POU2F3: variants seen among roughly 807,000 people sequenced by gnomAD.
POU2F3 encodes the protein POU domain, class 2, transcription factor 3.
In POU2F3, 23 loss-of-function variants were observed where a neutral mutation model predicts 59.2. That is an observed-to-expected ratio of 0.39 (90% CI 0.28 to 0.55). The LOEUF is 0.55. Among genes scored for constraint, POU2F3 ranks in the 20% least tolerant of loss-of-function variants. The probability of loss-of-function intolerance (pLI) is 0.66; values close to 1 mark genes in which losing one functional copy is unlikely to be tolerated. For missense variants in POU2F3, 473 were observed against 544.5 expected, an observed-to-expected ratio of 0.87 and a Z score of 1.31; for synonymous variants, 190 against 214.6, an observed-to-expected ratio of 0.89 and a Z score of 1.00.
chr11:120,239,902 C>G (rs955208020), upstream of POU2F3, among the ~76,000 whole-genome samples: 17 of 152,238 alleles, frequency 1.1e-4, 1 homozygote, highest in Non-Finnish European at 4.4e-5. Context: ...AAAGGGCGAG[C>G]AGGACCAGGA....
intron 3 of POU2F3, among the ~76,000 whole-genome samples, chr11:120,277,706 C>T (rs754413803): frequency 7.9e-5 from 12 of 152,186 alleles, no homozygotes; most frequent in Admixed American, 6.5e-5. Flanking sequence ...CACTTGAATC[C>T]GGGAGGCGGA....
intron 8 of POU2F3, among the ~76,000 whole-genome samples, chr11:120,306,342 C>A (rs961469571): frequency 2.6e-5 from 4 of 152,138 alleles, no homozygotes; most frequent in African/African-American, 9.7e-5. Flanking sequence ...GGCCGGGAGG[C>A]AACCCAGGAG....
At chr11:120,246,749 C>T (rs1209424501) in intron 2 of POU2F3, among the ~76,000 whole-genome samples, 1 of 152,100 alleles carries the variant, frequency 6.6e-6, no homozygotes, top group Non-Finnish European at 1.5e-5. Context: ...TAGGAAGAGA[C>T]CAGATACTTA....
At chr11:120,312,066 G>A (rs985837674) in intron 10 of POU2F3, among the ~76,000 whole-genome samples, 9 of 152,214 alleles carry the variant, frequency 5.9e-5, no homozygotes, top group African/African-American at 1.7e-4. Context: ...AGCAAGAGTA[G>A]TGTACAAGGC....
In POU2F3 at chr11:120,267,054, A is replaced by T. The variant is rs543328338; in HGVS notation, c.98-2156A>T. On this transcript the variant is annotated intron_variant, in intron 2 of 12. Transcript: ENST00000543440. ...AGGGATTTTTTTTAAGAGAAAAGCA[A>T]TTTTACCTTCATCTACCCCTTTCAA... Among the ~76,000 whole-genome samples, 9 of 152,136 alleles carry T rather than the reference A, an allele frequency of 5.9e-5. No individual in the cohort carries two copies. In the South Asian group the frequency reaches 1.5e-3, roughly 25 times the overall value.
chr11:120,236,880 G>C (rs1203585462), upstream of POU2F3, among the ~76,000 whole-genome samples: 1 of 152,214 alleles, frequency 6.6e-6, no homozygotes, highest in Non-Finnish European at 1.5e-5. Flanking sequence ...GGGAGAAGCA[G>C]GGAAGAGTAG....
At chr11:120,249,675 T>C (rs1939019687) in intron 2 of POU2F3, 1 of 152,088 alleles carries the variant, frequency 6.6e-6, no homozygotes, top group South Asian at 2.1e-4. Flanking sequence ...GGCCACATCA[T>C]TGCCTCAATC....
At position 120,277,912 on chromosome 11, in the gene POU2F3, G is replaced by T. The variant is rs576760577; in HGVS notation, c.132+8668G>T. On this transcript the variant is annotated intron_variant, in intron 3 of 12. Coordinates refer to ENST00000543440, the MANE Select transcript of POU2F3 (RefSeq NM_014352.4). Reference sequence around the variant, plus strand: ...ATCCTTAGACATATTCCCCTAAAAGGTTTAATGAGACAGTAGGTCCCTCAT... The same window carrying T: ...ATCCTTAGACATATTCCCCTAAAAGTTTTAATGAGACAGTAGGTCCCTCAT... Among the ~76,000 whole-genome samples the T allele has an allele frequency of 2.0e-5, 3 of 152,262 alleles. No individual in the cohort carries two copies. In the South Asian group the frequency reaches 6.2e-4, roughly 32 times the overall value.
intron 3 of POU2F3, among the ~76,000 whole-genome samples, chr11:120,276,437 C>T (rs184565317): frequency 3.3e-5 from 5 of 152,118 alleles, no homozygotes; most frequent in East Asian, 3.9e-4. Flanking sequence ...AGGGAGGCTC[C>T]GAGACCTCTT....
At chr11:120,286,755 A>G (rs535476281) in intron 3 of POU2F3, among the ~76,000 whole-genome samples, 1 of 152,158 alleles carries the variant, frequency 6.6e-6, no homozygotes, top group South Asian at 2.1e-4. Context: ...TTCTAAGTAA[A>G]GGATTTTTAT....
In POU2F3 at chr11:120,299,550, C is replaced by T. The variant is rs142518390; in HGVS notation, c.259-74C>T. 1.3e-3 allele frequency: 1,820 copies of T among 1,371,916 alleles called. 21 individuals carry two copies. In the African/African-American group the frequency reaches 0.022, roughly 17 times the overall value. The allele number at this position is 1,371,916 out of a possible 1,614,324, so 85.0% of individuals were successfully genotyped here. A position where few individuals can be genotyped will look rare whatever the true frequency, so the allele number is the denominator to read the frequency against. On this transcript the variant is annotated intron_variant, in intron 4 of 12. Coordinates refer to ENST00000543440, the MANE Select transcript of POU2F3 (RefSeq NM_014352.4). ...TGAGTCTGGAGACCCCTGGGACGGA[C>T]GAGTGGCAGGCAGATGGGGCTGATG...
intron 2 of POU2F3, among the ~76,000 whole-genome samples, chr11:120,268,888 G>A (rs894085987): frequency 2.0e-5 from 3 of 152,072 alleles, no homozygotes; most frequent in Non-Finnish European, 2.9e-5. Flanking sequence ...GGGGAAGCCC[G>A]GGCATAGAAG....
At chr11:120,246,895 A>T (rs1273665654) in intron 2 of POU2F3, among the ~76,000 whole-genome samples, 1 of 152,214 alleles carries the variant, frequency 6.6e-6, no homozygotes, top group Non-Finnish European at 1.5e-5. Flanking sequence ...TACTCAAGGC[A>T]CTAACCAAAG....
rs185381650 is a variant in POU2F3 at position 120,274,167 on chromosome 11, A to C, written c.132+4923A>C. The stretch of plus-strand genomic sequence containing the variant: ...AGGAAGGAAGGAAGGAAATGCACAC[A>C]AACATAGAGCCTGGCTGCCTGGCTG... On this transcript the variant is annotated intron_variant, in intron 3 of 12. Coordinates refer to ENST00000543440, the MANE Select transcript of POU2F3 (RefSeq NM_014352.4). Among the ~76,000 whole-genome samples, 771 of 141,258 alleles carry C rather than the reference A, an allele frequency of 5.5e-3. 3 individuals carry two copies. The highest frequency in any genetic ancestry group is 0.019 in the African/African-American group (740 of 39,524). 92.7% of individuals were successfully genotyped at this position (141,258 alleles called of 152,430 possible). A position where few individuals can be genotyped will look rare whatever the true frequency, so the allele number is the denominator to read the frequency against.
At chr11:120,298,473 T>A in intron 4 of POU2F3, 83 bp downstream of exon 4, 1 of 1,564,206 alleles carries the variant, frequency 6.4e-7, no homozygotes, top group Non-Finnish European at 8.7e-7. Context: ...TTGGTACTCG[T>A]CTAAAGAACC....
chr11:120,315,914 C>A lies in POU2F3; in HGVS notation c.1135+487C>A, dbSNP rs186729782. Among the ~76,000 whole-genome samples the A allele has an allele frequency of 5.9e-3, 885 of 149,746 alleles. 14 individuals are homozygous for A. Among genetic ancestry groups the A allele is most frequent in the African/African-American group, 0.021 (837 of 40,668 alleles). Reference sequence around the variant, plus strand: ...TGAGACAGAGTTTCACCCTTGTTGCCCAGGCTGCAGTGCAATGGCACGATC... The same window carrying A: ...TGAGACAGAGTTTCACCCTTGTTGCACAGGCTGCAGTGCAATGGCACGATC... On this transcript the variant is annotated intron_variant, in intron 11 of 12. Coordinates refer to ENST00000543440, the MANE Select transcript of POU2F3 (RefSeq NM_014352.4).
At chr11:120,278,651 C>T (rs1358431171) in intron 3 of POU2F3, among the ~76,000 whole-genome samples, 1 of 152,162 alleles carries the variant, frequency 6.6e-6, no homozygotes, top group African/African-American at 2.4e-5. Context: ...AGCGCCACCC[C>T]CACAGGGAAT....
rs1246747016 is a variant in POU2F3, at chr11:120,319,743, C to T, written c.*1351C>T. ...ACAGGTGTGAGCCACCGCGCCTGGCCTGGGCTGGGAATCTTTGTTGACTTC... is the reference window on the plus strand; with the variant it reads ...ACAGGTGTGAGCCACCGCGCCTGGCTTGGGCTGGGAATCTTTGTTGACTTC... On this transcript the variant is annotated 3_prime_UTR_variant, in exon 13 of 13. Coordinates refer to ENST00000543440, the MANE Select transcript of POU2F3 (RefSeq NM_014352.4). The T allele has an allele frequency of 6.6e-6, 1 of 152,336 alleles. No individual in the cohort carries two copies. Among genetic ancestry groups the T allele is most frequent in the Non-Finnish European group, 1.5e-5 (1 of 68,054 alleles). 9.4% of individuals were successfully genotyped at this position (152,336 alleles called of 1,614,324 possible).
intron 1 of POU2F3, 141 bp downstream of exon 1, chr11:120,240,512 G>A (rs1487479985): frequency 1.7e-6 from 2 of 1,163,832 alleles, no homozygotes; most frequent in Admixed American, 4.2e-5. Context: ...GGTTGTCCTG[G>A]GGTGGGTGCC....
Sources: allele counts gnomAD v4.1 joint callset (sites outside exome capture counted in the v4.1 genomes callset), GRCh38; gene constraint gnomAD v4.1.1; transcripts MANE v1.5; gene names NCBI Gene and HGNC (gene_info 2026-07-23, HGNC 2026-07-21).